GART: variants seen among roughly 807,000 people sequenced by gnomAD.
The protein encoded by GART is trifunctional purine biosynthetic protein adenosine-3.
GART carries 43 observed loss-of-function variants against 107.2 expected under a neutral mutation model. The ratio of observed to expected loss-of-function variants is 0.40; its 90% CI spans 0.31 to 0.52. GART has a LOEUF of 0.52. Ranked by LOEUF, GART falls within the 20% of genes least tolerant of loss-of-function variation. GART has a pLI of 0.52. For missense variants in GART, 1,107 were observed against 1,206.5 expected, an observed-to-expected ratio of 0.92 and a Z score of 1.22; for synonymous variants, 434 against 427.0, an observed-to-expected ratio of 1.02 and a Z score of -0.20.
chr21:33,529,188 C>T (rs370965293), intron 7 of GART, among the ~76,000 whole-genome samples: 3 of 152,124 alleles, frequency 2.0e-5, no homozygotes, highest in Admixed American at 1.3e-4. Context: ...CTTCCCGAAA[C>T]GTAATAGAAA....
At chr21:33,525,173 C>A (rs2085049048) in intron 10 of GART, among the ~76,000 whole-genome samples, 173 bp from the exon 11 acceptor site, 1 of 151,264 alleles carries the variant, frequency 6.6e-6, no homozygotes, top group Non-Finnish European at 1.5e-5. Flanking sequence ...CTGCTTGAGT[C>A]CATGAGTTCG....
chr21:33,517,082 A>T lies in GART; in HGVS notation c.2014T>A (p.Ser672Thr). The T allele has an allele frequency of 6.2e-7, 1 of 1,613,370 alleles. No individual in the cohort carries two copies. The highest frequency in any genetic ancestry group is 8.5e-7 in the Non-Finnish European group (1 of 1,179,358). Reference sequence around the variant, plus strand: ...TGGGCAAAGGCTTTGACATGTCCTGAACGTAGGACAGGTAACAGTGAATGG... The same window carrying T: ...TGGGCAAAGGCTTTGACATGTCCTGTACGTAGGACAGGTAACAGTGAATGG... ...YSHSLLPVLR[S>T]GHVKAFAHIT... Residue 672 changes from serine to threonine, a missense_variant, in exon 16 of 22, where the codon TCA becomes ACA. Coordinates refer to ENST00000381815, the MANE Select transcript of GART (RefSeq NM_000819.5).
chr21:33,515,618 G>A (rs563071322), intron 16 of GART, among the ~76,000 whole-genome samples: 3 of 111,764 alleles, frequency 2.7e-5, no homozygotes, highest in Non-Finnish European at 4.8e-5. Flanking sequence ...CCAGTCTGGC[G>A]ACTCCAGCCT....
intron 11 of GART, chr21:33,523,942 G>A: frequency 1.1e-6 from 1 of 918,586 alleles, no homozygotes; most frequent in Non-Finnish European, 1.3e-6. Context: ...ACTCCAGCCT[G>A]GGCGACAAGA....
chr21:33,523,001 A>G (rs1468683124), intron 11 of GART, among the ~76,000 whole-genome samples: 1 of 152,220 alleles, frequency 6.6e-6, no homozygotes, highest in Non-Finnish European at 1.5e-5. Context: ...CTGTTTCCTA[A>G]TAGCTGAGGA....
rs963218427 is a variant in GART at position 33,534,567 on chromosome 21, C to G, written c.416+12G>C. ...CTAAACAACTGTCCTTCACAGACAA[C>G]CATTTACCTACCTCAAAATGAAGCT... On this transcript the variant is annotated intron_variant, in intron 4 of 21. Coordinates refer to ENST00000381815, the MANE Select transcript of GART (RefSeq NM_000819.5). 2.5e-6 allele frequency: 4 copies of G among 1,613,794 alleles called. No individual in the cohort carries two copies. The highest frequency in any genetic ancestry group is 2.5e-6 in the Non-Finnish European group (3 of 1,179,918).
At chr21:33,534,451 A>G in intron 4 of GART, 128 bp downstream of exon 4, 1 of 894,596 alleles carries the variant, frequency 1.1e-6, no homozygotes, top group Non-Finnish European at 1.7e-6. Flanking sequence ...TCCTGAGCTC[A>G]AGTGATTCAC....
intron 10 of GART, 106 bp from the exon 11 acceptor site, chr21:33,525,106 G>A (rs993733973): frequency 8.6e-5 from 124 of 1,435,018 alleles, no homozygotes; most frequent in Non-Finnish European, 1.1e-4. Context: ...TTTTAACTTG[G>A]CTAGGTGCGG....
At chr21:33,533,950 C>T (rs547984638) in intron 4 of GART, among the ~76,000 whole-genome samples, 13 of 152,134 alleles carry the variant, frequency 8.5e-5, no homozygotes, top group African/African-American at 2.9e-4. Flanking sequence ...AAACCAAAAA[C>T]ATGGCTGTGA....
chr21:33,527,817 T>C (rs1485196237), intron 10 of GART, among the ~76,000 whole-genome samples: 1 of 152,162 alleles, frequency 6.6e-6, no homozygotes, highest in East Asian at 1.9e-4. Context: ...CTCTAAAATA[T>C]ATCTTATTGA....
At position 33,517,421 on chromosome 21, in the gene GART, G is replaced by A. The variant is rs375498243; in HGVS notation, c.1890C>T (p.Ile630=). 1.0e-4 allele frequency: 167 copies of A among 1,614,036 alleles called. No individual in the cohort carries two copies. The highest frequency in any genetic ancestry group is 5.0e-5 in the Admixed American group (3 of 59,992). ...AGTACTGGAGGGAAGATTTTGCCACGATTTTCCTCACAAGGCTAAATCCAT... is the reference window on the plus strand; with the variant it reads ...AGTACTGGAGGGAAGATTTTGCCACAATTTTCCTCACAAGGCTAAATCCAT... ...HSNGFSLVRK[I]VAKSSLQYSS... Residue 630 remains isoleucine, a synonymous_variant, in exon 15 of 22, where the codon ATC becomes ATT. Transcript: ENST00000381815.
At chr21:33,534,119 A>G (rs2085254329) in intron 4 of GART, among the ~76,000 whole-genome samples, 1 of 152,166 alleles carries the variant, frequency 6.6e-6, no homozygotes, top group Admixed American at 6.5e-5. Context: ...CCCACATAAT[A>G]TTTATTGAGA....
intron 13 of GART, 166 bp from the exon 14 acceptor site, chr21:33,520,728 C>T (rs1195402601): frequency 3.6e-5 from 25 of 701,848 alleles, no homozygotes; most frequent in Admixed American, 2.1e-4. Context: ...CCCTTCCATC[C>T]AAATATAATC....
intron 2 of GART, among the ~76,000 whole-genome samples, chr21:33,538,239 C>T (rs1224579025): frequency 5.4e-5 from 3 of 55,878 alleles, no homozygotes; most frequent in Non-Finnish European, 7.3e-5. Context: ...GAGACTCTGT[C>T]TCAAAAAAAA....
In GART at chr21:33,532,426, G is replaced by A. The variant is rs1323749581; in HGVS notation, c.447C>T (p.Ala149=). 3 of 1,613,888 alleles carry A rather than the reference G, an allele frequency of 1.9e-6. No homozygotes were observed. The East Asian group carries it at 6.7e-5, about 36-fold the overall frequency. Residue 149 remains alanine (A), a synonymous_variant, in exon 5 of 22, where the codon GCC becomes GCT. Coordinates refer to ENST00000381815, the MANE Select transcript of GART (RefSeq NM_000819.5). ...CCCCTTTTCCAGCTGCAAGACCACT[G>A]GCCTTCACAACCAAAGCAGGGAAGT... ...SADFPALVVK[A]SGLAAGKGVI... is the part of the protein sequence containing the mutation.
upstream of GART, chr21:33,542,780 T>C: frequency 2.3e-6 from 1 of 432,374 alleles, no homozygotes; most frequent in Non-Finnish European, 4.3e-6. Context: ...TGCTGGGGAC[T>C]GACAACTTAT....
rs2409496 is a variant in GART, at chr21:33,531,557, C to G, written c.529G>C (p.Glu177Gln). ...ACKAVQEIMQEKAFGAAGETI... is the reference protein window; with the variant it reads ...ACKAVQEIMQQKAFGAAGETI... ...TCTCCAGCTGCCCCAAAGGCTTTCT[C>G]CTGATTGTAAGATTTTTTTTTTTTT... The change falls in exon 6 of 22, where the codon GAG becomes CAG. Residue 177 changes from glutamate to glutamine, a missense_variant and splice_region_variant. Glu to Gln is a conservative substitution (Grantham distance 29). Coordinates refer to ENST00000381815, the MANE Select transcript of GART (RefSeq NM_000819.5). 23 of 1,588,816 alleles carry G rather than the reference C, an allele frequency of 1.4e-5. No individual in the cohort carries two copies. Among genetic ancestry groups the G allele is most frequent in the South Asian group, 1.2e-5 (1 of 85,604 alleles).
intron 4 of GART, among the ~76,000 whole-genome samples, chr21:33,533,612 T>C (rs898584032): frequency 6.6e-6 from 1 of 151,398 alleles, no homozygotes; most frequent in South Asian, 2.1e-4. Context: ...CGTTTGTCAA[T>C]CTGACCGTGA....
rs1295509858 is a variant in GART, at chr21:33,528,211, C to G, written c.1022G>C (p.Ser341Thr). Residue 341 changes from serine (S) to threonine (T), a missense_variant, in exon 10 of 22, where the codon AGT (serine) becomes ACT (threonine). Physicochemically the swap from Ser to Thr is moderately conservative, Grantham distance 58. Coordinates refer to ENST00000381815, the MANE Select transcript of GART (RefSeq NM_000819.5). ...GGTGTAGTCTCCAGGATAACCTTTA[C>G]TTGCCATGACAACAGTTAGGGCGGT... ...NHTALTVVMA[S>T]KGYPGDYTKG... is the part of the protein sequence containing the mutation. 1 of 1,613,766 alleles carries G rather than the reference C, an allele frequency of 6.2e-7. No homozygotes were observed. Among genetic ancestry groups the G allele is most frequent in the Non-Finnish European group, 8.5e-7 (1 of 1,179,898 alleles).
Sources: allele counts gnomAD v4.1 joint callset (sites outside exome capture counted in the v4.1 genomes callset), GRCh38; gene constraint gnomAD v4.1.1; transcripts MANE v1.5; gene names NCBI Gene and HGNC (gene_info 2026-07-23, HGNC 2026-07-21).